The following CHMP3 variants were observed in gnomAD, a reference collection of about 807,000 sequenced individuals.
The protein encoded by CHMP3 is 25.1 protein.
Under a neutral mutation model 27.4 loss-of-function variants are expected in CHMP3, and 8 were observed. That is an observed-to-expected ratio of 0.29 (90% CI 0.17 to 0.53). The LOEUF is 0.53. CHMP3 is among the 20% of genes least tolerant of loss of function. CHMP3 has a pLI of 0.96. For synonymous variants in CHMP3, 86 were observed against 85.5 expected, an observed-to-expected ratio of 1.01 and a Z score of -0.03; for missense variants, 208 against 271.5, an observed-to-expected ratio of 0.77 and a Z score of 1.64.
rs748610967 is a variant in CHMP3, at chr2:86,563,371, C to T, written c.-23G>A. ...CATGACGAACTGAACCCGTCTTGCCCCTTCCGGCTTTCAGTTCCCCGCGCC... is the reference window on the plus strand; with the variant it reads ...CATGACGAACTGAACCCGTCTTGCCTCTTCCGGCTTTCAGTTCCCCGCGCC... On this transcript the variant is annotated 5_prime_UTR_variant, in exon 1 of 6. Transcript: ENST00000263856. 6 of 1,612,970 alleles carry T rather than the reference C, an allele frequency of 3.7e-6. No individual in the cohort carries two copies. The African/African-American group carries it at 4.0e-5, about 11-fold the overall frequency.
rs1427301463 is a variant in CHMP3, at chr2:86,509,190, A to G, written c.408+1168T>C. 2.0e-5 allele frequency among the ~76,000 whole-genome samples: 3 copies of G among 152,202 alleles called. No individual in the cohort carries two copies. The East Asian group carries it at 5.8e-4, about 29-fold the overall frequency. Reference sequence around the variant, plus strand: ...TTATGAAAAAGATCCCAGATTCTGAAAAAGGCTTCCCTCTCAGATCCTGGT... The same window carrying G: ...TTATGAAAAAGATCCCAGATTCTGAGAAAGGCTTCCCTCTCAGATCCTGGT... On this transcript the variant is annotated intron_variant, in intron 4 of 5. Transcript: ENST00000263856.
intron 3 of CHMP3, among the ~76,000 whole-genome samples, chr2:86,521,703 C>T (rs1409050680): frequency 6.6e-6 from 1 of 152,180 alleles, no homozygotes; most frequent in Non-Finnish European, 1.5e-5. Context: ...TTGAGGTGCT[C>T]ATTTCACTTA....
chr2:86,534,819 T>C (rs944972644), intron 2 of CHMP3, among the ~76,000 whole-genome samples: 1 of 152,228 alleles, frequency 6.6e-6, no homozygotes, highest in Admixed American at 6.5e-5. Flanking sequence ...TCTTTTTCCA[T>C]CCTTTTGCTT....
chr2:86,509,791 A>G (rs1675029384), intron 4 of CHMP3, among the ~76,000 whole-genome samples: 1 of 152,248 alleles, frequency 6.6e-6, no homozygotes, highest in Non-Finnish European at 1.5e-5. Context: ...GATGGCTAGA[A>G]GAACAGACTA....
At chr2:86,512,178 A>T (rs186086346) in intron 3 of CHMP3, 3 of 152,294 alleles carry the variant, frequency 2.0e-5, no homozygotes, top group Admixed American at 1.3e-4. Context: ...GATAAGTATT[A>T]AGAGGTGGAG....
intron 3 of CHMP3, 102 bp downstream of exon 3, chr2:86,529,116 G>A: frequency 1.6e-6 from 2 of 1,288,578 alleles, no homozygotes; most frequent in South Asian, 1.9e-5. Context: ...AAAATACAAA[G>A]AATAAAAACC....
rs530951202 is a variant in CHMP3, at chr2:86,527,072, T to A, written c.286+2146A>T. 185 of 151,982 alleles carry A rather than the reference T, an allele frequency of 1.2e-3. 1 individual carries two copies. The highest frequency in any genetic ancestry group is 6.8e-3 in the Middle Eastern group (2 of 294). 9.4% of individuals were successfully genotyped at this position (151,982 alleles called of 1,614,324 possible). A position where few individuals can be genotyped will look rare whatever the true frequency, so the allele number is the denominator to read the frequency against. On this transcript the variant is annotated intron_variant, in intron 3 of 5. Transcript: ENST00000263856. ...CTTTTGTAATAATGCTTTTTTTATATATATATAATATAGAAGCAGGCAAAT... is the reference window on the plus strand; with the variant it reads ...CTTTTGTAATAATGCTTTTTTTATAAATATATAATATAGAAGCAGGCAAAT...
chr2:86,524,988 A>G (rs1675643881), intron 3 of CHMP3, among the ~76,000 whole-genome samples: 1 of 152,194 alleles, frequency 6.6e-6, no homozygotes, highest in African/African-American at 2.4e-5. Context: ...CACATCCTCT[A>G]CTTATTTACA....
chr2:86,525,736 T>C (rs889139771), intron 3 of CHMP3, among the ~76,000 whole-genome samples: 3 of 152,114 alleles, frequency 2.0e-5, no homozygotes, highest in African/African-American at 7.2e-5. Flanking sequence ...AGAGTATACA[T>C]ATGTTTAATT....
chr2:86,542,308 T>C lies in CHMP3; in HGVS notation c.50A>G (p.Asn17Ser), dbSNP rs760712170. The change falls in exon 2 of 6, where the codon AAT (asparagine) becomes AGT (serine). Residue 17 changes from asparagine (N) to serine (S), a missense_variant. This residue lies in a region of CHMP3 where 52 missense variants were observed against 43.5 expected (regional missense o/e 1.19). Coordinates refer to ENST00000263856, the MANE Select transcript of CHMP3 (RefSeq NM_016079.4). ...CTTTCTTATCTTCAATGACCACTCA[T>C]TGACCTGGGAAAATTTTTAGAAAAG... The part of the protein sequence containing the change: ...TQEKPPKELV[N>S]EWSLKIRKEM... 4 of 1,613,438 alleles carry C rather than the reference T, an allele frequency of 2.5e-6. No individual in the cohort carries two copies. The highest frequency in any genetic ancestry group is 1.7e-5 in the Admixed American group (1 of 59,994).
intron 2 of CHMP3, among the ~76,000 whole-genome samples, chr2:86,538,027 T>C (rs1374129909): frequency 6.6e-6 from 1 of 152,184 alleles, no homozygotes; most frequent in East Asian, 1.9e-4. Context: ...TAAATGTCCA[T>C]CAGCAGATGA....
intron 3 of CHMP3, among the ~76,000 whole-genome samples, chr2:86,514,597 AGTGACTGC>A (rs1675224365): frequency 6.6e-6 from 1 of 152,228 alleles, no homozygotes; most frequent in African/African-American, 2.4e-5. Context: ...GCATCAGGGT[AGTGACTGC>A]GTCCCACTGT....
chr2:86,530,986 A>G (rs1675897704), intron 2 of CHMP3, among the ~76,000 whole-genome samples: 1 of 152,166 alleles, frequency 6.6e-6, no homozygotes, highest in African/African-American at 2.4e-5. Context: ...AGAAATTCCA[A>G]AAGTCTATTG....
At chr2:86,506,317 T>A (rs1276310279) in intron 5 of CHMP3, among the ~76,000 whole-genome samples, 2 of 152,140 alleles carry the variant, frequency 1.3e-5, no homozygotes, top group Non-Finnish European at 1.5e-5. Context: ...ACAAATGAAC[T>A]AATAAAAATT....
chr2:86,520,349 G>C (rs574549737), intron 3 of CHMP3, among the ~76,000 whole-genome samples: 1 of 152,240 alleles, frequency 6.6e-6, no homozygotes, highest in South Asian at 2.1e-4. Context: ...AGGGGAAGCA[G>C]GCACATCTCC....
Position 86,512,866 on chromosome 2 carries a change from T to C in CHMP3, c.287-2387A>G, listed in dbSNP as rs1192281960. Among the ~76,000 whole-genome samples the C allele has an allele frequency of 2.0e-5, 3 of 152,214 alleles. No individual in the cohort carries two copies. The East Asian group carries it at 5.8e-4, about 29-fold the overall frequency. Reference sequence around the variant, plus strand: ...CTTAGAATGGCCCAATCCAGACCACTGACAATACCAAATGCTGGCGAGAAT... The same window carrying C: ...CTTAGAATGGCCCAATCCAGACCACCGACAATACCAAATGCTGGCGAGAAT... On this transcript the variant is annotated intron_variant, in intron 3 of 5. Coordinates refer to ENST00000263856, the MANE Select transcript of CHMP3 (RefSeq NM_016079.4).
At chr2:86,548,179 CTTTTTT>C (rs55949258) in intron 1 of CHMP3, among the ~76,000 whole-genome samples, 1 of 116,070 alleles carries the variant, frequency 8.6e-6, no homozygotes, top group Non-Finnish European at 1.9e-5. Context: ...GAGGAGTTCT[CTTTTTT>C]TTTTTTTTTT....
intron 1 of CHMP3, among the ~76,000 whole-genome samples, chr2:86,553,241 A>C (rs1000348655): frequency 1.3e-4 from 20 of 152,146 alleles, no homozygotes; most frequent in Non-Finnish European, 2.6e-4. Flanking sequence ...GACATAGACA[A>C]AACCATAACA....
chr2:86,506,091 A>C, intron 5 of CHMP3, 142 bp from the exon 6 acceptor site: 2 of 999,050 alleles, frequency 2.0e-6, no homozygotes, highest in Non-Finnish European at 2.6e-6. Context: ...GGGTTTACTC[A>C]CTCTGGGAAA....
Sources: allele counts gnomAD v4.1 joint callset (sites outside exome capture counted in the v4.1 genomes callset), GRCh38; gene constraint gnomAD v4.1.1; regional missense constraint gnomAD v4.1.1; transcripts MANE v1.5; gene names NCBI Gene and HGNC (gene_info 2026-07-23, HGNC 2026-07-21).